The following JARID2 variants were observed in gnomAD, a reference collection of about 807,000 sequenced individuals.
JARID2 encodes jumonji and AT-rich interaction domain containing 2.
JARID2 carries 21 observed loss-of-function variants against 125.6 expected under a neutral mutation model. The observed-to-expected ratio is 0.17, with a 90% confidence interval of 0.12 to 0.24. The LOEUF (loss-of-function observed/expected upper bound fraction) is 0.24. JARID2 is among the 10% of genes least tolerant of loss of function. The pLI is 1.00. For synonymous variants in JARID2, 736 were observed against 661.6 expected, an observed-to-expected ratio of 1.11 and a Z score of -1.73; for missense variants, 1,303 against 1,639.6, an observed-to-expected ratio of 0.79 and a Z score of 3.55.
chr6:15,394,486 C>A (rs142883306), intron 2 of JARID2, among the ~76,000 whole-genome samples: 6 of 152,072 alleles, frequency 3.9e-5, no homozygotes, highest in Admixed American at 3.9e-4. Context: ...TGTAGTACAG[C>A]TACTTGGGAG....
intron 1 of JARID2, among the ~76,000 whole-genome samples, chr6:15,299,415 G>A (rs940323483): frequency 1.3e-5 from 2 of 152,156 alleles, no homozygotes; most frequent in Admixed American, 1.3e-4. Context: ...AGGTGGTGGG[G>A]CAGTTTCAGA....
In JARID2 at chr6:15,507,372, C is replaced by G; in HGVS notation, c.2687C>G (p.Pro896Arg). ...SRHGWNLTVL[P>R]NNTGSILRHL... ...CATGGATGGAACCTCACCGTCCTCCCCAATAACACAGGGTCCATCCTGCGT... is the reference window on the plus strand; with the variant it reads ...CATGGATGGAACCTCACCGTCCTCCGCAATAACACAGGGTCCATCCTGCGT... The change falls in exon 11 of 18, where the codon CCC becomes CGC. Residue 896 changes from proline (P) to arginine (R), a missense_variant. This residue lies in a region of JARID2 where 27 missense variants were observed against 108.7 expected (regional missense o/e 0.25). Transcript: ENST00000341776. The G allele has an allele frequency of 3.7e-6, 6 of 1,614,100 alleles. No individual in the cohort carries two copies. Among genetic ancestry groups the G allele is most frequent in the Non-Finnish European group, 5.1e-6 (6 of 1,179,994 alleles).
chr6:15,435,963 G>A (rs535471099), intron 3 of JARID2, among the ~76,000 whole-genome samples: 13 of 152,210 alleles, frequency 8.5e-5, no homozygotes, highest in African/African-American at 3.1e-4. Context: ...CTCTCAGGGC[G>A]TGCGATGGAG....
At chr6:15,437,862 T>C (rs1379017412) in intron 3 of JARID2, among the ~76,000 whole-genome samples, 1 of 151,822 alleles carries the variant, frequency 6.6e-6, no homozygotes, top group Non-Finnish European at 1.5e-5. Context: ...AGGGCGATTC[T>C]GGGAGGACAA....
At chr6:15,340,027 T>C (rs1763016366) in intron 1 of JARID2, among the ~76,000 whole-genome samples, 1 of 151,896 alleles carries the variant, frequency 6.6e-6, no homozygotes, top group South Asian at 2.1e-4. Flanking sequence ...TGGTGTGATC[T>C]TGTCTCACTG....
intron 2 of JARID2, among the ~76,000 whole-genome samples, chr6:15,381,633 G>A (rs1010837084): frequency 3.9e-5 from 6 of 152,230 alleles, no homozygotes; most frequent in Admixed American, 2.6e-4. Flanking sequence ...GGAAAGGCGA[G>A]AAGGCTTGGG....
At chr6:15,419,010 TTA>T (rs1438359663) in intron 3 of JARID2, among the ~76,000 whole-genome samples, 1 of 152,208 alleles carries the variant, frequency 6.6e-6, no homozygotes, top group Non-Finnish European at 1.5e-5. Context: ...TGAATTGGGA[TTA>T]TTCAAAGTGA....
intron 1 of JARID2, among the ~76,000 whole-genome samples, chr6:15,313,310 C>T (rs1482404507): frequency 6.6e-6 from 1 of 152,174 alleles, no homozygotes; most frequent in Non-Finnish European, 1.5e-5. Flanking sequence ...TGTAACATCT[C>T]ATTTTTAGTT....
At chr6:15,426,046 C>G (rs1305450078) in intron 3 of JARID2, among the ~76,000 whole-genome samples, 2 of 152,274 alleles carry the variant, frequency 1.3e-5, no homozygotes, top group East Asian at 3.9e-4. Flanking sequence ...AGGCCTGTAC[C>G]TGTTTCTGTG....
chr6:15,486,737 C>T (rs1052634179), intron 5 of JARID2, among the ~76,000 whole-genome samples: 4 of 151,786 alleles, frequency 2.6e-5, no homozygotes, highest in Admixed American at 6.6e-5. Context: ...AAAGCAGCTG[C>T]GCCCCGAACT....
rs1369522282 is a variant in JARID2 at position 15,487,412 on chromosome 6, A to G, written c.776A>G (p.Asp259Gly). Residue 259 changes from aspartate (D) to glycine (G), a missense_variant, in exon 6 of 18, where the codon GAC (aspartate) becomes GGC (glycine). Transcript: ENST00000341776. ...GAGAAGCACAGCGATCACCGGGCTGACAGCCGCCGGGAGCAGGCTTCAGCT... is the reference window on the plus strand; with the variant it reads ...GAGAAGCACAGCGATCACCGGGCTGGCAGCCGCCGGGAGCAGGCTTCAGCT... ...AKEKHSDHRA[D>G]SRREQASANH... 2 of 1,614,142 alleles carry G rather than the reference A, an allele frequency of 1.2e-6. No individual in the cohort carries two copies. The highest frequency in any genetic ancestry group is 2.7e-5 in the African/African-American group (2 of 74,944).
At chr6:15,398,112 T>C (rs751712626) in intron 2 of JARID2, among the ~76,000 whole-genome samples, 20 of 152,198 alleles carry the variant, frequency 1.3e-4, no homozygotes, top group Non-Finnish European at 2.4e-4. Flanking sequence ...TGAAACAAAA[T>C]GCTATTTATA....
At chr6:15,481,065 C>T (rs1769590578) in intron 5 of JARID2, among the ~76,000 whole-genome samples, 1 of 152,246 alleles carries the variant, frequency 6.6e-6, no homozygotes, top group Non-Finnish European at 1.5e-5. Flanking sequence ...TCTAAAGTAA[C>T]TTCTTTTGCC....
chr6:15,368,965 A>T (rs555305903), intron 1 of JARID2, among the ~76,000 whole-genome samples: 1 of 152,032 alleles, frequency 6.6e-6, no homozygotes, highest in Admixed American at 6.5e-5. Flanking sequence ...CTGCTTTTCT[A>T]ACAGGCTGCC....
intron 1 of JARID2, among the ~76,000 whole-genome samples, chr6:15,313,311 A>C (rs1179475849): frequency 6.6e-6 from 1 of 152,152 alleles, no homozygotes; most frequent in Non-Finnish European, 1.5e-5. Flanking sequence ...GTAACATCTC[A>C]TTTTTAGTTG....
chr6:15,352,335 T>C (rs1763458417), intron 1 of JARID2, among the ~76,000 whole-genome samples: 1 of 152,224 alleles, frequency 6.6e-6, no homozygotes, highest in African/African-American at 2.4e-5. Flanking sequence ...TTCTTAATAT[T>C]AATGTTACAT....
intron 1 of JARID2, among the ~76,000 whole-genome samples, chr6:15,333,042 C>T (rs1762769253): frequency 6.7e-6 from 1 of 149,662 alleles, no homozygotes. Flanking sequence ...CGCCATTCTC[C>T]TGCCTCAGCC....
intron 1 of JARID2, among the ~76,000 whole-genome samples, chr6:15,287,881 G>A (rs1168001671): frequency 1.3e-5 from 2 of 152,194 alleles, no homozygotes; most frequent in Non-Finnish European, 2.9e-5. Context: ...CCATTTGTGA[G>A]CTCTGTGAGC....
intron 1 of JARID2, among the ~76,000 whole-genome samples, chr6:15,321,040 A>G (rs1408213842): frequency 1.3e-5 from 2 of 152,122 alleles, no homozygotes; most frequent in Non-Finnish European, 2.9e-5. Context: ...TATTACAAGT[A>G]GTATTTTGCA....
Sources: gnomAD v4.1 joint callset for allele counts (sites outside exome capture counted in the v4.1 genomes callset) on GRCh38, gnomAD v4.1.1 for gene constraint, gnomAD v4.1.1 regional missense constraint, MANE v1.5 for transcripts, NCBI Gene and HGNC (gene_info 2026-07-23, HGNC 2026-07-21) for gene names.